KIF18A: variants seen among roughly 807,000 people sequenced by gnomAD.
KIF18A encodes the protein kinesin-like protein KIF18A.
A neutral mutation model predicts 103.3 loss-of-function variants in KIF18A; 67 were observed. That is an observed-to-expected ratio of 0.65 (90% CI 0.53 to 0.79). KIF18A has a LOEUF of 0.79. Among genes scored for constraint, KIF18A ranks in the 30% least tolerant of loss-of-function variants. The pLI, the probability that KIF18A is intolerant of heterozygous loss-of-function variation, is 0.00. For synonymous variants in KIF18A, 367 were observed against 355.5 expected (o/e 1.03, Z -0.36); for missense variants, 1,032 against 1,062.5 (o/e 0.97, Z 0.40).
At position 28,090,792 on chromosome 11, in the gene KIF18A, A is replaced by G. The variant is rs1590707649; in HGVS notation, c.589-65T>C. ...AATATATCTTTAAATTTTTCAATAAATGTTCAAAAAACAAAAAGATTTAAA... is the reference window on the plus strand; with the variant it reads ...AATATATCTTTAAATTTTTCAATAAGTGTTCAAAAAACAAAAAGATTTAAA... On this transcript the variant is annotated intron_variant, in intron 4 of 16. Coordinates refer to ENST00000263181, the MANE Select transcript of KIF18A (RefSeq NM_031217.4). The G allele has an allele frequency of 5.2e-6, 4 of 775,148 alleles. No homozygotes were observed. The East Asian group carries it at 7.7e-5, about 15-fold the overall frequency. The allele number at this position is 775,148 out of a possible 1,614,324, so 48.0% of individuals were successfully genotyped here.
chr11:28,067,929 A>C (rs1290336788), intron 11 of KIF18A, among the ~76,000 whole-genome samples: 1 of 152,214 alleles, frequency 6.6e-6, no homozygotes, highest in Non-Finnish European at 1.5e-5. Context: ...ATATACTCAA[A>C]GGATTATAAA....
intron 10 of KIF18A, among the ~76,000 whole-genome samples, chr11:28,073,459 T>C (rs1208714066): frequency 6.6e-6 from 1 of 152,146 alleles, no homozygotes; most frequent in African/African-American, 2.4e-5. Flanking sequence ...GTACTTAGAA[T>C]ATAGCAGAGT....
intron 16 of KIF18A, among the ~76,000 whole-genome samples, chr11:28,023,234 T>G (rs564018853): frequency 6.6e-6 from 1 of 152,244 alleles, no homozygotes; most frequent in Non-Finnish European, 1.5e-5. Context: ...TTCATACTGA[T>G]GGGAAAGATC....
intron 1 of KIF18A, among the ~76,000 whole-genome samples, chr11:28,107,179 C>A (rs1023912450): frequency 6.6e-6 from 1 of 151,972 alleles, no homozygotes; most frequent in African/African-American, 2.4e-5. Flanking sequence ...CTTACAAAAA[C>A]GAAACAGGAG....
intron 10 of KIF18A, among the ~76,000 whole-genome samples, chr11:28,072,206 T>C (rs545707365): frequency 1.8e-4 from 27 of 152,196 alleles, no homozygotes; most frequent in Non-Finnish European, 3.4e-4. Flanking sequence ...CAAAATCCCC[T>C]GCACACCACA....
chr11:28,062,409 G>T lies in KIF18A; in HGVS notation c.1698C>A (p.His566Gln). 6.2e-7 allele frequency: 1 copy of T among 1,610,220 alleles called. No homozygotes were observed. The highest frequency in any genetic ancestry group is 1.1e-5 in the South Asian group (1 of 90,486). Residue 566 changes from histidine (H) to glutamine (Q), a missense_variant, in exon 12 of 17, where the codon CAC (histidine) becomes CAA (glutamine). Transcript: ENST00000263181. Reference protein sequence around the residue: ...MDLACLQEQQHRQTEAVLNAL... With the variant: ...MDLACLQEQQQRQTEAVLNAL... ...TATGTACTCACGCTTCAGTCTGCCT[G>T]TGTTGCTGTTCCTGAAGACAAGCTA... is the stretch of plus-strand genomic sequence containing the variant.
intron 1 of KIF18A, among the ~76,000 whole-genome samples, chr11:28,104,356 C>G (rs987658478): frequency 6.6e-6 from 1 of 152,178 alleles, no homozygotes; most frequent in Non-Finnish European, 1.5e-5. Flanking sequence ...CTACTGCTGT[C>G]TCCCCATTTC....
chr11:28,054,973 T>C (rs139468018), intron 13 of KIF18A, among the ~76,000 whole-genome samples: 10 of 152,286 alleles, frequency 6.6e-5, no homozygotes, highest in Middle Eastern at 3.4e-3. Flanking sequence ...GAGCATCATA[T>C]AGCAGGTGGT....
At chr11:28,104,255 A>G (rs1851479449) in intron 1 of KIF18A, among the ~76,000 whole-genome samples, 1 of 152,158 alleles carries the variant, frequency 6.6e-6, no homozygotes, top group Non-Finnish European at 1.5e-5. Context: ...AAACTATCCA[A>G]TGACTTCTCA....
chr11:28,048,878 G>C (rs1850674122), intron 13 of KIF18A, among the ~76,000 whole-genome samples: 2 of 152,044 alleles, frequency 1.3e-5, no homozygotes, highest in African/African-American at 4.8e-5. Context: ...ATTTGAAATT[G>C]ATGGAAAAGC....
In KIF18A at chr11:28,036,421, C is replaced by T; in HGVS notation, c.2192G>A (p.Ser731Asn). Reference protein sequence around the residue: ...TLMKPSSFTTSFQAISSNINS... With the variant: ...TLMKPSSFTTNFQAISSNINS... ...TATGTTTGAGCTGATAGCCTGAAAACTTGTAGTAAATGATGATGGTTTCAT... is the reference window on the plus strand; with the variant it reads ...TATGTTTGAGCTGATAGCCTGAAAATTTGTAGTAAATGATGATGGTTTCAT... Residue 731 changes from serine to asparagine, a missense_variant, in exon 14 of 17, where the codon AGT becomes AAT. Transcript: ENST00000263181. 1 of 1,611,088 alleles carries T rather than the reference C, an allele frequency of 6.2e-7. No homozygotes were observed. Among genetic ancestry groups the T allele is most frequent in the Non-Finnish European group, 8.5e-7 (1 of 1,178,146 alleles).
chr11:28,073,102 C>T (rs932166527), intron 10 of KIF18A, among the ~76,000 whole-genome samples: 3 of 152,028 alleles, frequency 2.0e-5, no homozygotes, highest in Non-Finnish European at 4.4e-5. Context: ...GTTAATAATT[C>T]CTAACATGGC....
At chr11:28,037,432 T>C (rs985886351) in intron 13 of KIF18A, among the ~76,000 whole-genome samples, 37 of 151,690 alleles carry the variant, frequency 2.4e-4, no homozygotes, top group Non-Finnish European at 4.6e-4. Context: ...GGCATTTGTA[T>C]TGTATTAGGT....
chr11:28,085,847 C>T (rs1851221418), intron 6 of KIF18A, among the ~76,000 whole-genome samples: 1 of 152,048 alleles, frequency 6.6e-6, no homozygotes, highest in South Asian at 2.1e-4. Context: ...AGGGCTTGAC[C>T]CTACACTTCA....
rs1217442050 is a variant in KIF18A at position 28,064,517 on chromosome 11, G to A, written c.1591-2001C>T. On this transcript the variant is annotated intron_variant, in intron 11 of 16. Transcript: ENST00000263181. ...ACCTAATGTAAATGATGAATTGATG[G>A]GTGCAGCAAACCAATATGGTACATG... 2.0e-5 allele frequency among the ~76,000 whole-genome samples: 3 copies of A among 151,776 alleles called. No homozygotes were observed. The East Asian group carries it at 5.8e-4, about 29-fold the overall frequency.
intron 9 of KIF18A, among the ~76,000 whole-genome samples, chr11:28,082,290 C>T (rs758967942): frequency 2.6e-5 from 4 of 152,088 alleles, no homozygotes; most frequent in Non-Finnish European, 5.9e-5. Context: ...GCATCACACA[C>T]TACAGATAAA....
intron 10 of KIF18A, among the ~76,000 whole-genome samples, chr11:28,074,451 C>A (rs1851063302): frequency 1.3e-5 from 2 of 151,926 alleles, no homozygotes; most frequent in Non-Finnish European, 2.9e-5. Flanking sequence ...TAAAAGAATG[C>A]AAGGAACATC....
chr11:28,046,927 G>A (rs548654670), intron 13 of KIF18A, among the ~76,000 whole-genome samples: 15 of 150,654 alleles, frequency 1.0e-4, no homozygotes, highest in African/African-American at 2.4e-4. Context: ...GGTGGTGGGC[G>A]CCTGTAATCC....
intron 16 of KIF18A, 113 bp downstream of exon 16, chr11:28,023,628 T>C (rs894060204): frequency 3.6e-5 from 19 of 530,180 alleles, no homozygotes; most frequent in Non-Finnish European, 6.8e-6. Context: ...TACCACATAG[T>C]AAAGGTGATG....
Sources: gnomAD v4.1 joint callset for allele counts (sites outside exome capture counted in the v4.1 genomes callset) on GRCh38, gnomAD v4.1.1 for gene constraint, MANE v1.5 for transcripts, NCBI Gene and HGNC (gene_info 2026-07-23, HGNC 2026-07-21) for gene names.